SH3D19: variants seen among roughly 807,000 people sequenced by gnomAD.
SH3D19 encodes the protein SH3 domain containing 19, also known as SH3 domain-containing protein 19.
Under a neutral mutation model 112.1 loss-of-function variants are expected in SH3D19, and 58 were observed. The ratio of observed to expected loss-of-function variants is 0.52; its 90% confidence interval spans 0.42 to 0.64. The LOEUF (loss-of-function observed/expected upper bound fraction) is 0.64. Among genes scored for constraint, SH3D19 ranks in the 30% least tolerant of loss-of-function variants. The probability of loss-of-function intolerance (pLI) is 0.00; values close to 1 mark genes in which losing one functional copy is unlikely to be tolerated. For synonymous variants in SH3D19, 391 were observed against 448.5 expected (o/e 0.87, Z 1.62); for missense variants, 1,090 against 1,263.4 (o/e 0.86, Z 2.08).
At chr4:151,185,054 T>G (rs1185143247) in intron 3 of SH3D19, among the ~76,000 whole-genome samples, 3 of 149,830 alleles carry the variant, frequency 2.0e-5, no homozygotes, top group Non-Finnish European at 3.0e-5. Context: ...TTTTTTTTTT[T>G]TTTTTTTTTT....
intron 1 of SH3D19, chr4:151,282,520 C>A: frequency 9.3e-7 from 1 of 1,073,370 alleles, no homozygotes; most frequent in Non-Finnish European, 1.3e-6. Flanking sequence ...TTCAACAAAA[C>A]CAGATCAATC....
At chr4:151,147,821 T>C (rs976589613) in intron 11 of SH3D19, 101 bp downstream of exon 11, 1 of 1,437,942 alleles carries the variant, frequency 7.0e-7, no homozygotes, top group Non-Finnish European at 9.4e-7. Flanking sequence ...CAAGGGACAA[T>C]TCCACATTTG....
intron 1 of SH3D19, among the ~76,000 whole-genome samples, chr4:151,242,867 G>T (rs531868359): frequency 6.6e-6 from 1 of 152,156 alleles, no homozygotes; most frequent in East Asian, 1.9e-4. Context: ...AAAGATAAAT[G>T]ATCTTTCAAT....
At chr4:151,210,519 A>C (rs1765803789) in intron 2 of SH3D19, among the ~76,000 whole-genome samples, 1 of 150,492 alleles carries the variant, frequency 6.6e-6, no homozygotes, top group African/African-American at 2.5e-5. Flanking sequence ...CTCCTGCCTC[A>C]GCCTCCCCAG....
chr4:151,139,448 G>A (rs1287657289), intron 13 of SH3D19, among the ~76,000 whole-genome samples: 4 of 152,130 alleles, frequency 2.6e-5, no homozygotes, highest in Admixed American at 1.3e-4. Flanking sequence ...CACTGCGCCC[G>A]GCCTAGTACC....
chr4:151,286,873 G>A (rs866953058), intron 1 of SH3D19, among the ~76,000 whole-genome samples: 1 of 151,562 alleles, frequency 6.6e-6, no homozygotes, highest in Non-Finnish European at 1.5e-5. Context: ...CCAGCTACTC[G>A]GGAGGCTGAG....
intron 5 of SH3D19, 33 bp downstream of exon 5, chr4:151,176,784 A>T: frequency 8.1e-7 from 1 of 1,230,948 alleles, no homozygotes; most frequent in Non-Finnish European, 1.0e-6. Flanking sequence ...TTTAAAAAAT[A>T]AAATGCAAAG....
intron 2 of SH3D19, among the ~76,000 whole-genome samples, chr4:151,222,204 C>T (rs1235676253): frequency 4.6e-5 from 7 of 152,228 alleles, no homozygotes; most frequent in African/African-American, 1.4e-4. Context: ...TGCATTCTGT[C>T]CTCCCTCTGG....
chr4:151,211,834 T>TTGGTTCATGCAATTTAAGGGAA lies in SH3D19; in HGVS notation c.152+14191_152+14212dup, dbSNP rs1487516663. Among the ~76,000 whole-genome samples the TTGGTTCATGCAATTTAAGGGAA allele has an allele frequency of 4.6e-5, 7 of 152,098 alleles. No homozygotes were observed. In the East Asian group the frequency reaches 1.3e-3, roughly 29 times the overall value. On this transcript the variant is annotated intron_variant, in intron 2 of 19. Transcript: ENST00000604030. ...CAAAAAAGTGGGAAGCTAGTAGAGG[T>TTGGTTCATGCAATTTAAGGGAA]TGGTTCATGCAATTTAAGGGAAGAA...
intron 2 of SH3D19, among the ~76,000 whole-genome samples, chr4:151,216,558 A>G (rs77897118): frequency 2.8e-4 from 43 of 152,298 alleles, no homozygotes; most frequent in African/African-American, 1.0e-3. Flanking sequence ...AAGAGAGGAA[A>G]GAATTAGGAT....
At chr4:151,265,569 CTTT>C (rs763878307) in intron 1 of SH3D19, among the ~76,000 whole-genome samples, 25 of 126,110 alleles carry the variant, frequency 2.0e-4, no homozygotes, top group African/African-American at 7.2e-4. Flanking sequence ...TATTTCTTTT[CTTT>C]TTTTTTTTTT....
chr4:151,215,720 G>A (rs114216115), intron 2 of SH3D19, among the ~76,000 whole-genome samples: 3,419 of 152,296 alleles, frequency 0.022, 57 homozygotes, highest in Middle Eastern at 0.034. Context: ...GGGCAGAAAT[G>A]AATGCTCTGA....
At chr4:151,167,713 C>T (rs1043346897) in intron 7 of SH3D19, among the ~76,000 whole-genome samples, 1 of 152,046 alleles carries the variant, frequency 6.6e-6, no homozygotes, top group African/African-American at 2.4e-5. Context: ...AAGTGAGGAG[C>T]GCCTCTGCCC....
intron 1 of SH3D19, among the ~76,000 whole-genome samples, chr4:151,311,681 A>T (rs1247228800): frequency 1.3e-5 from 2 of 152,138 alleles, no homozygotes; most frequent in Non-Finnish European, 2.9e-5. Flanking sequence ...TCTACAAAAA[A>T]TTTTTTAAAA....
At chr4:151,319,649 A>C (rs774501401) in intron 1 of SH3D19, among the ~76,000 whole-genome samples, 1 of 152,202 alleles carries the variant, frequency 6.6e-6, no homozygotes, top group Non-Finnish European at 1.5e-5. Context: ...AGCTATACCT[A>C]GTTGTGTAAT....
chr4:151,279,165 C>A, intron 1 of SH3D19: 1 of 403,148 alleles, frequency 2.5e-6, no homozygotes, highest in South Asian at 1.9e-5. Flanking sequence ...ATCTACAACA[C>A]GTCTTGAGTA....
intron 2 of SH3D19, among the ~76,000 whole-genome samples, chr4:151,200,314 G>C (rs570494818): frequency 6.6e-6 from 1 of 152,054 alleles, no homozygotes; most frequent in African/African-American, 2.4e-5. Flanking sequence ...AAGTGAGAAC[G>C]CATCTACCCA....
chr4:151,219,354 C>T (rs58496896), intron 2 of SH3D19, among the ~76,000 whole-genome samples: 8,511 of 152,184 alleles, frequency 0.056, 368 homozygotes, highest in East Asian at 0.19. Flanking sequence ...ACCCCCACGC[C>T]CTGCTCTTTT....
chr4:151,300,474 G>C (rs902431627), intron 1 of SH3D19: 1 of 151,668 alleles, frequency 6.6e-6, no homozygotes, highest in Non-Finnish European at 1.5e-5. Context: ...ACAGAACTAG[G>C]AATACTAAAA....
Sources: allele counts gnomAD v4.1 joint callset (sites outside exome capture counted in the v4.1 genomes callset), GRCh38; gene constraint gnomAD v4.1.1; transcripts MANE v1.5; gene names NCBI Gene and HGNC (gene_info 2026-07-23, HGNC 2026-07-21).